The following AKAP13 variants were observed in gnomAD, a reference collection of about 807,000 sequenced individuals.
AKAP13 encodes the protein A-kinase anchor protein 13.
In AKAP13, 80 loss-of-function variants were observed where a neutral mutation model predicts 264.5. The observed-to-expected ratio is 0.30, with a 90% CI of 0.25 to 0.36. The LOEUF (loss-of-function observed/expected upper bound fraction) is 0.36. Ranked by LOEUF, AKAP13 falls within the 10% of genes least tolerant of loss-of-function variation. The pLI, the probability that AKAP13 is intolerant of heterozygous loss-of-function variation, is 1.00. For synonymous variants in AKAP13, 1,380 were observed against 1,250.2 expected (o/e 1.10, Z -2.19); for missense variants, 3,712 against 3,435.2 (o/e 1.08, Z -2.01).
At chr15:85,575,747 A>T (rs2078988178) in intron 6 of AKAP13, among the ~76,000 whole-genome samples, 1 of 151,922 alleles carries the variant, frequency 6.6e-6, no homozygotes, top group South Asian at 2.1e-4. Context: ...TAATCCCAGC[A>T]CTTTGGAAGG....
chr15:85,736,035 G>A (rs931227631), intron 32 of AKAP13, 55 bp from the exon 33 acceptor site: 2 of 1,354,740 alleles, frequency 1.5e-6, no homozygotes, highest in Non-Finnish European at 2.1e-6. Flanking sequence ...CACACTGAAT[G>A]TCATTTTTGC....
intron 17 of AKAP13, among the ~76,000 whole-genome samples, chr15:85,700,197 A>C (rs2085829412): frequency 6.6e-6 from 1 of 152,242 alleles, no homozygotes; most frequent in Non-Finnish European, 1.5e-5. Flanking sequence ...CTCAGAATTA[A>C]ACCTGTAACT....
intron 2 of AKAP13, among the ~76,000 whole-genome samples, chr15:85,486,175 A>G (rs935706759): frequency 6.6e-5 from 10 of 152,144 alleles, no homozygotes; most frequent in African/African-American, 2.4e-4. Context: ...TTTAGGACTC[A>G]TCTCCCTAAA....
intron 2 of AKAP13, among the ~76,000 whole-genome samples, chr15:85,519,213 G>A (rs893934532): frequency 2.0e-5 from 3 of 152,124 alleles, no homozygotes; most frequent in Admixed American, 1.3e-4. Context: ...TGGATGATGG[G>A]TAAATGAATG....
chr15:85,670,341 A>G (rs2083854199), intron 14 of AKAP13, among the ~76,000 whole-genome samples: 1 of 151,888 alleles, frequency 6.6e-6, no homozygotes, highest in African/African-American at 2.4e-5. Context: ...CCTAAAAACA[A>G]AGATATTGTC....
intron 2 of AKAP13, among the ~76,000 whole-genome samples, chr15:85,486,037 T>C (rs1181319188): frequency 6.6e-6 from 1 of 152,242 alleles, no homozygotes; most frequent in African/African-American, 2.4e-5. Flanking sequence ...CAAACAGTAC[T>C]GTAGCTTCTT....
intron 14 of AKAP13, among the ~76,000 whole-genome samples, chr15:85,681,563 T>C (rs1267602105): frequency 3.3e-5 from 5 of 152,022 alleles, no homozygotes; most frequent in Admixed American, 2.0e-4. Flanking sequence ...GAAAGGACTT[T>C]GCCATCTGTT....
chr15:85,688,374 G>A (rs987996532), intron 16 of AKAP13, among the ~76,000 whole-genome samples: 25 of 152,184 alleles, frequency 1.6e-4, no homozygotes, highest in South Asian at 4.2e-4. Flanking sequence ...GTGAGAGACC[G>A]TCTGATCCAA....
At chr15:85,711,539 T>C (rs757306260) in intron 19 of AKAP13, among the ~76,000 whole-genome samples, 2 of 152,254 alleles carry the variant, frequency 1.3e-5, no homozygotes, top group Non-Finnish European at 2.9e-5. Context: ...TTTTGAGATA[T>C]GCATGTTATT....
chr15:85,403,325 C>T (rs1012780226), intron 1 of AKAP13, among the ~76,000 whole-genome samples: 1 of 152,128 alleles, frequency 6.6e-6, no homozygotes, highest in Non-Finnish European at 1.5e-5. Flanking sequence ...CATGGTGGTA[C>T]CTAATGCAAG....
chr15:85,509,013 C>G (rs1221010123), intron 2 of AKAP13, among the ~76,000 whole-genome samples: 1 of 152,160 alleles, frequency 6.6e-6, no homozygotes, highest in East Asian at 1.9e-4. Flanking sequence ...TCTAATAGAA[C>G]TTTCCCTCTA....
At chr15:85,384,268 C>T (rs1182398878) in intron 1 of AKAP13, among the ~76,000 whole-genome samples, 4 of 152,126 alleles carry the variant, frequency 2.6e-5, no homozygotes, top group Non-Finnish European at 4.4e-5. Flanking sequence ...TTTGATGTTC[C>T]CTTCTTTTAA....
In AKAP13 at chr15:85,515,206, CTA is replaced by C. The variant is rs199562126; in HGVS notation, c.34-6220_34-6219del. 9.6e-3 allele frequency among the ~76,000 whole-genome samples: 1,328 copies of C among 138,892 alleles called. 324 individuals are homozygous for C. Among genetic ancestry groups the C allele is most frequent in the African/African-American group, 0.037 (1,272 of 34,684 alleles). The allele number at this position is 138,892 out of a possible 152,430, so 91.1% of individuals were successfully genotyped here. On this transcript the variant is annotated intron_variant, in intron 2 of 36. Transcript: ENST00000394518. Reference sequence around the variant, plus strand: ...TATTTGAGCAGATATTTCTTGGAAACTATTCTGAAATAATTTCAAGTTTATAG... The same window carrying C: ...TATTTGAGCAGATATTTCTTGGAAACTTCTGAAATAATTTCAAGTTTATAG...
chr15:85,485,497 C>T (rs1452202216), intron 1 of AKAP13, among the ~76,000 whole-genome samples: 3 of 152,180 alleles, frequency 2.0e-5, no homozygotes, highest in Non-Finnish European at 4.4e-5. Flanking sequence ...GAAGATCTTT[C>T]TTCCCCACTT....
At chr15:85,483,816 C>T (rs1256002336) in intron 1 of AKAP13, among the ~76,000 whole-genome samples, 3 of 151,968 alleles carry the variant, frequency 2.0e-5, no homozygotes, top group African/African-American at 7.2e-5. Flanking sequence ...ATCTCAAAAA[C>T]AAACAAACAA....
chr15:85,466,213 T>C (rs2074735945), intron 1 of AKAP13, among the ~76,000 whole-genome samples: 2 of 151,370 alleles, frequency 1.3e-5, no homozygotes, highest in Non-Finnish European at 3.0e-5. Flanking sequence ...TGTTTTTTTC[T>C]TGTAAATTTG....
chr15:85,452,327 A>G (rs906373263), intron 1 of AKAP13, among the ~76,000 whole-genome samples: 2 of 151,672 alleles, frequency 1.3e-5, no homozygotes, highest in Admixed American at 6.6e-5. Context: ...CCGAATCTCA[A>G]TGATCTTTGT....
intron 14 of AKAP13, among the ~76,000 whole-genome samples, chr15:85,679,255 AC>A: frequency 6.6e-6 from 1 of 152,010 alleles, no homozygotes; most frequent in Non-Finnish European, 1.5e-5. Flanking sequence ...AAAAACAACA[AC>A]AAAAAACCAA....
intron 8 of AKAP13, 90 bp downstream of exon 8, chr15:85,585,913 G>T (rs999006819): frequency 1.3e-6 from 2 of 1,528,390 alleles, no homozygotes; most frequent in African/African-American, 1.4e-5. Flanking sequence ...TTATTTGAGG[G>T]TAAGTGGGCA....
Sources: allele counts gnomAD v4.1 joint callset (sites outside exome capture counted in the v4.1 genomes callset), GRCh38; gene constraint gnomAD v4.1.1; transcripts MANE v1.5; gene names NCBI Gene and HGNC (gene_info 2026-07-23, HGNC 2026-07-21).